Variants in MCCC1 observed in about 807,000 individuals in gnomAD.
The protein encoded by MCCC1 is methylcrotonyl-CoA carboxylase subunit 1.
Under a neutral mutation model 83.8 loss-of-function variants are expected in MCCC1, and 64 were observed. That is an observed-to-expected ratio of 0.76 (90% CI 0.62 to 0.94). The LOEUF (loss-of-function observed/expected upper bound fraction) is 0.94. Among genes scored for constraint, MCCC1 ranks in the 40% least tolerant of loss-of-function variants. The pLI is 0.00. For synonymous variants in MCCC1, 322 were observed against 315.4 expected (o/e 1.02, Z -0.22); for missense variants, 807 against 904.7 (o/e 0.89, Z 1.39).
chr3:183,052,580 G>A (rs1010973920), intron 8 of MCCC1, among the ~76,000 whole-genome samples: 1 of 152,052 alleles, frequency 6.6e-6, no homozygotes, highest in Non-Finnish European at 1.5e-5. Flanking sequence ...AGGCTGAGGC[G>A]GGCGGATCAC....
At chr3:183,045,899 T>C (rs1287278083) in intron 9 of MCCC1, among the ~76,000 whole-genome samples, 3 of 152,178 alleles carry the variant, frequency 2.0e-5, no homozygotes, top group East Asian at 1.9e-4. Context: ...CCTAACCCCA[T>C]GGAGAAAAAG....
chr3:183,101,094 G>C (rs1389267749), upstream of MCCC1, among the ~76,000 whole-genome samples: 1 of 152,370 alleles, frequency 6.6e-6, no homozygotes, highest in Admixed American at 6.5e-5. Flanking sequence ...GCCCACCGGC[G>C]CTGCGCTCGA....
At position 183,091,666 on chromosome 3, in the gene MCCC1, A is replaced by G. The variant is rs550969208; in HGVS notation, c.273+743T>C. 2.6e-5 allele frequency among the ~76,000 whole-genome samples: 4 copies of G among 152,362 alleles called. No homozygotes were observed. The East Asian group carries it at 5.8e-4, about 22-fold the overall frequency. The stretch of plus-strand genomic sequence containing the variant: ...CAGGGAGTTGGGTCTTATTAGTTAT[A>G]ATTTTACAGATGAAGCAAGGCTCAG... On this transcript the variant is annotated intron_variant, in intron 3 of 18. Transcript: ENST00000265594.
At chr3:183,046,888 A>G (rs1714597338) in intron 9 of MCCC1, among the ~76,000 whole-genome samples, 1 of 152,198 alleles carries the variant, frequency 6.6e-6, no homozygotes, top group African/African-American at 2.4e-5. Flanking sequence ...GCAGATACAG[A>G]GATGCCATGA....
Position 183,020,205 on chromosome 3 carries a change from G to T in MCCC1, c.1902C>A (p.Pro634=), listed in dbSNP as rs1284048857. 6.2e-7 allele frequency: 1 copy of T among 1,614,056 alleles called. No individual in the cohort carries two copies. Among genetic ancestry groups the T allele is most frequent in the Non-Finnish European group, 8.5e-7 (1 of 1,179,918 alleles). Residue 634 remains proline, a synonymous_variant, in exon 17 of 19, where the codon CCC becomes CCA. Transcript: ENST00000265594. The stretch of plus-strand genomic sequence containing the variant: ...GTGAGCTCACAGAAGATAAGTATTT[G>T]GGGACTGGAATGTCAATCTCAATAC... ...EGSIEIDIPV[P]KYLSSVSSQE...
chr3:183,038,898 A>G, intron 12 of MCCC1, 128 bp downstream of exon 12: 1 of 844,058 alleles, frequency 1.2e-6, no homozygotes, highest in Admixed American at 2.0e-5. Context: ...ATGTGAAACT[A>G]TTTTGTTTGG....
chr3:183,081,023 A>G (rs1188887654), intron 4 of MCCC1, among the ~76,000 whole-genome samples: 1 of 152,246 alleles, frequency 6.6e-6, no homozygotes, highest in African/African-American at 2.4e-5. Flanking sequence ...AGATGTGGGT[A>G]TGGACACAGC....
intron 8 of MCCC1, among the ~76,000 whole-genome samples, chr3:183,056,919 T>A (rs949297321): frequency 6.6e-6 from 1 of 152,158 alleles, no homozygotes; most frequent in African/African-American, 2.4e-5. Flanking sequence ...GGTCTTGAAC[T>A]CCCAACCTCA....
chr3:183,095,977 G>C (rs1039846593), intron 1 of MCCC1, among the ~76,000 whole-genome samples: 1 of 152,178 alleles, frequency 6.6e-6, no homozygotes, highest in Non-Finnish European at 1.5e-5. Flanking sequence ...ACCAAGAGCT[G>C]ACAGAAAACA....
At chr3:183,086,193 A>T (rs1717877890) in intron 4 of MCCC1, among the ~76,000 whole-genome samples, 1 of 152,038 alleles carries the variant, frequency 6.6e-6, no homozygotes, top group Admixed American at 6.5e-5. Flanking sequence ...TACTGCCTTC[A>T]CTCCAACCAC....
At chr3:183,070,484 C>T (rs1001174334) in intron 7 of MCCC1, among the ~76,000 whole-genome samples, 4 of 152,178 alleles carry the variant, frequency 2.6e-5, no homozygotes, top group Non-Finnish European at 5.9e-5. Context: ...CCTGTAATCC[C>T]AGCACTTTGG....
intron 11 of MCCC1, among the ~76,000 whole-genome samples, chr3:183,040,098 GAAAAAAAAAAA>G (rs57389038): frequency 2.9e-5 from 1 of 34,576 alleles, no homozygotes; most frequent in African/African-American, 1.0e-4. Flanking sequence ...CTCCATCTCA[GAAAAAAAAAAA>G]AAAAAAAAAA....
Position 183,015,518 on chromosome 3 carries a change from T to C in MCCC1, c.2098A>G (p.Arg700Gly), listed in dbSNP as rs1306031868. Residue 700 changes from arginine (R) to glycine (G), a missense_variant, in exon 19 of 19, where the codon AGA becomes GGA. Coordinates refer to ENST00000265594, the MANE Select transcript of MCCC1 (RefSeq NM_020166.5). Reference protein sequence around the residue: ...KDGTVKKVFYREGAQANRHTP... With the variant: ...KDGTVKKVFYGEGAQANRHTP... ...TGTCTGTTGGCCTGAGCACCTTCTC[T>C]GTAGAACACTTTCTTTACTGTGCCA... is the stretch of plus-strand genomic sequence containing the variant. The C allele has an allele frequency of 3.1e-6, 5 of 1,614,202 alleles. No individual in the cohort carries two copies. Among genetic ancestry groups the C allele is most frequent in the Middle Eastern group, 1.6e-4 (1 of 6,062 alleles).
At chr3:183,020,378 AC>A in intron 16 of MCCC1, 141 bp from the exon 17 acceptor site, 1 of 709,912 alleles carries the variant, frequency 1.4e-6, no homozygotes, top group Non-Finnish European at 2.4e-6. Flanking sequence ...ACGATTGTAA[AC>A]CCAGCACTTT....
At position 183,017,394 on chromosome 3, in the gene MCCC1, C is replaced by A. The variant is rs6786878; in HGVS notation, c.1978-57G>T. On this transcript the variant is annotated intron_variant, in intron 17 of 18. Transcript: ENST00000265594. ...AAAACACAGAGGTCCTAGATATGTTCATCTGCTTCATTATAGTAACCATTT... is the reference window on the plus strand; with the variant it reads ...AAAACACAGAGGTCCTAGATATGTTAATCTGCTTCATTATAGTAACCATTT... The A allele has an allele frequency of 0.94, 1,429,347 of 1,528,110 alleles. 668,811 individuals carry two copies. Among genetic ancestry groups the A allele is most frequent in the East Asian group, 1 (44,439 of 44,448 alleles). 94.7% of individuals were successfully genotyped at this position (1,528,110 alleles called of 1,614,324 possible).
At position 183,015,987 on chromosome 3, in the gene MCCC1, G is replaced by A. The variant is rs150845939; in HGVS notation, c.2050-421C>T. Among the ~76,000 whole-genome samples the A allele has an allele frequency of 2.5e-3, 371 of 151,282 alleles. 5 individuals carry two copies. Among genetic ancestry groups the A allele is most frequent in the African/African-American group, 8.5e-3 (350 of 41,200 alleles). ...TCTGTCACCCAGGCTGGAGTGCAAC[G>A]GCATGGTCTCAGCTCACTGTAACCT... On this transcript the variant is annotated intron_variant, in intron 18 of 18. Coordinates refer to ENST00000265594, the MANE Select transcript of MCCC1 (RefSeq NM_020166.5).
intron 7 of MCCC1, among the ~76,000 whole-genome samples, chr3:183,069,809 A>G (rs1345173418): frequency 1.3e-5 from 2 of 152,254 alleles, no homozygotes; most frequent in African/African-American, 2.4e-5. Flanking sequence ...CTTTATAATC[A>G]GCATCTTAAA....
intron 4 of MCCC1, among the ~76,000 whole-genome samples, chr3:183,084,832 G>A (rs1343754940): frequency 6.6e-6 from 1 of 152,042 alleles, no homozygotes; most frequent in Non-Finnish European, 1.5e-5. Context: ...TGAGGTGGGA[G>A]GATTGCTTGA....
intron 16 of MCCC1, among the ~76,000 whole-genome samples, chr3:183,021,730 T>C (rs548263484): frequency 6.6e-6 from 1 of 152,350 alleles, no homozygotes; most frequent in East Asian, 1.9e-4. Flanking sequence ...TGGAAAGGAA[T>C]GCCTGGCAAA....
Sources: gnomAD v4.1 joint callset for allele counts (sites outside exome capture counted in the v4.1 genomes callset) on GRCh38, gnomAD v4.1.1 for gene constraint, MANE v1.5 for transcripts, NCBI Gene and HGNC (gene_info 2026-07-23, HGNC 2026-07-21) for gene names.